The following MERTK variants were observed in gnomAD, a reference collection of about 807,000 sequenced individuals.
The protein encoded by MERTK is tyrosine-protein kinase Mer.
In MERTK, 69 loss-of-function variants were observed where a neutral mutation model predicts 99.3. The observed-to-expected ratio is 0.70, with a 90% CI of 0.57 to 0.85. The LOEUF (loss-of-function observed/expected upper bound fraction) is 0.85, where lower values mean the gene tolerates loss of function less well. MERTK is among the 40% of genes least tolerant of loss of function. The pLI is 0.00. For missense variants in MERTK, 1,125 were observed against 1,249.4 expected (o/e 0.90, Z 1.50); for synonymous variants, 426 against 467.6 (o/e 0.91, Z 1.15).
At chr2:111,959,426 C>T (rs887574597) in intron 4 of MERTK, among the ~76,000 whole-genome samples, 1 of 152,256 alleles carries the variant, frequency 6.6e-6, no homozygotes, top group Middle Eastern at 3.4e-3. Context: ...AGCATCAGTT[C>T]TCAATGCTTT....
intron 4 of MERTK, among the ~76,000 whole-genome samples, chr2:111,957,981 C>G (rs1199761550): frequency 6.6e-5 from 10 of 152,300 alleles, no homozygotes; most frequent in African/African-American, 2.2e-4. Context: ...CATCCTGTTA[C>G]TGAATGTTCC....
At chr2:111,985,135 C>T (rs978762219) in intron 8 of MERTK, among the ~76,000 whole-genome samples, 1 of 152,166 alleles carries the variant, frequency 6.6e-6, no homozygotes, top group African/African-American at 2.4e-5. Context: ...TGGCTTCCTC[C>T]CCAAGTACCA....
At chr2:111,991,483 C>T (rs1197775923) in intron 8 of MERTK, among the ~76,000 whole-genome samples, 1 of 152,098 alleles carries the variant, frequency 6.6e-6, no homozygotes, top group South Asian at 2.1e-4. Context: ...ACCTCAGCCT[C>T]CCAAAGTGCT....
chr2:111,945,302 AAG>A (rs1684944547), intron 3 of MERTK, among the ~76,000 whole-genome samples: 1 of 152,240 alleles, frequency 6.6e-6, no homozygotes, highest in Admixed American at 6.5e-5. Flanking sequence ...GTGAGATAAA[AAG>A]AGATTTTGGA....
chr2:111,900,533 GT>G (rs1189566664), intron 1 of MERTK, among the ~76,000 whole-genome samples: 1 of 152,152 alleles, frequency 6.6e-6, no homozygotes, highest in African/African-American at 2.4e-5. Flanking sequence ...GGGAACAATA[GT>G]TTTGTGTTAA....
chr2:111,968,367 C>T, intron 6 of MERTK, 115 bp downstream of exon 6: 1 of 783,516 alleles, frequency 1.3e-6, no homozygotes, highest in South Asian at 1.5e-5. Flanking sequence ...TGTACAGAGT[C>T]CCCTGACCTC....
chr2:111,922,086 C>A (rs1485810425), intron 1 of MERTK, among the ~76,000 whole-genome samples: 1 of 152,170 alleles, frequency 6.6e-6, no homozygotes, highest in East Asian at 1.9e-4. Context: ...TGGCACACAG[C>A]ATCCTGGGGT....
At chr2:111,986,116 A>C (rs1676474358) in intron 8 of MERTK, among the ~76,000 whole-genome samples, 1 of 152,304 alleles carries the variant, frequency 6.6e-6, no homozygotes, top group Middle Eastern at 3.4e-3. Context: ...TAGGTGATGG[A>C]AGTAGAGAAA....
At chr2:111,909,466 T>C (rs913223055) in intron 1 of MERTK, among the ~76,000 whole-genome samples, 2 of 152,182 alleles carry the variant, frequency 1.3e-5, no homozygotes, top group Non-Finnish European at 2.9e-5. Flanking sequence ...AACAAGTTTA[T>C]TGGGGGTCTG....
At chr2:111,904,003 T>C (rs1684092238) in intron 1 of MERTK, among the ~76,000 whole-genome samples, 1 of 152,140 alleles carries the variant, frequency 6.6e-6, no homozygotes, top group Admixed American at 6.5e-5. Flanking sequence ...TCAGAATGCT[T>C]TGGTGAAGGG....
At chr2:112,003,243 A>G in intron 12 of MERTK, 56 bp downstream of exon 12, 2 of 830,912 alleles carry the variant, frequency 2.4e-6, no homozygotes, top group Non-Finnish European at 4.2e-6. Context: ...AGCAGTTTAG[A>G]ATAATTCTTT....
chr2:111,917,386 T>C (rs1341708544), intron 1 of MERTK, among the ~76,000 whole-genome samples: 2 of 152,142 alleles, frequency 1.3e-5, no homozygotes, highest in Non-Finnish European at 2.9e-5. Flanking sequence ...GGGGCCGTGA[T>C]GTGTTTTGGG....
At chr2:111,904,990 A>G (rs1007948335) in intron 1 of MERTK, among the ~76,000 whole-genome samples, 2 of 152,170 alleles carry the variant, frequency 1.3e-5, no homozygotes, top group African/African-American at 2.4e-5. Context: ...TTTTCATTCT[A>G]TGTCTCCCAC....
chr2:112,010,285 C>T (rs557138752), intron 15 of MERTK: 12 of 488,512 alleles, frequency 2.5e-5, no homozygotes, highest in Non-Finnish European at 3.9e-5. Flanking sequence ...TAAGTGGCTG[C>T]GTGCACAGTC....
intron 1 of MERTK, among the ~76,000 whole-genome samples, chr2:111,899,725 C>T (rs1433789880): frequency 6.6e-6 from 1 of 152,032 alleles, no homozygotes; most frequent in East Asian, 1.9e-4. Flanking sequence ...ACCATGTTGG[C>T]CAGGATGGTC....
chr2:111,948,488 T>C lies in MERTK; in HGVS notation c.757+921T>C, dbSNP rs578108361. ...CCCTCTCCTGAGTTGCAGGCTCATG[T>C]ATCCAACCGCCTCCTTGGCATTGCC... On this transcript the variant is annotated intron_variant, in intron 4 of 18. Coordinates refer to ENST00000295408, the MANE Select transcript of MERTK (RefSeq NM_006343.3). 2.6e-5 allele frequency among the ~76,000 whole-genome samples: 4 copies of C among 152,330 alleles called. No homozygotes were observed. In the East Asian group the frequency reaches 7.7e-4, roughly 29 times the overall value.
intron 4 of MERTK, among the ~76,000 whole-genome samples, chr2:111,958,841 T>G (rs1323620177): frequency 6.6e-6 from 1 of 152,146 alleles, no homozygotes; most frequent in Non-Finnish European, 1.5e-5. Context: ...AACTGGATAA[T>G]GGATCTCAGT....
At chr2:112,022,902 T>TGTAACAATACGATTCCTC (rs1258106693) in intron 18 of MERTK, among the ~76,000 whole-genome samples, 3 of 152,164 alleles carry the variant, frequency 2.0e-5, no homozygotes, top group African/African-American at 7.2e-5. Flanking sequence ...TGGGAGATAG[T>TGTAACAATACGATTCCTC]GTAACAATAC....
At position 112,023,045 on chromosome 2, in the gene MERTK, A is replaced by G. The variant is rs573152921; in HGVS notation, c.2486+651A>G. ...GTTATCCCAACACTTTGGGAGGCCA[A>G]AGAGGGCAGATCGTTTGAGCCCAGG... On this transcript the variant is annotated intron_variant, in intron 18 of 18. Coordinates refer to ENST00000295408, the MANE Select transcript of MERTK (RefSeq NM_006343.3). Among the ~76,000 whole-genome samples the G allele has an allele frequency of 1.6e-4, 25 of 152,216 alleles. No homozygotes were observed. In the South Asian group the frequency reaches 5.0e-3, roughly 30 times the overall value.
Sources: gnomAD v4.1 joint callset for allele counts (sites outside exome capture counted in the v4.1 genomes callset) on GRCh38, gnomAD v4.1.1 for gene constraint, MANE v1.5 for transcripts, NCBI Gene and HGNC (gene_info 2026-07-23, HGNC 2026-07-21) for gene names.